The following MYH10 variants were observed in gnomAD, a reference collection of about 807,000 sequenced individuals.
MYH10 encodes myosin-10.
A neutral mutation model predicts 257.8 loss-of-function variants in MYH10; 55 were observed. The ratio of observed to expected loss-of-function variants is 0.21; its 90% CI spans 0.17 to 0.27. The LOEUF is 0.27. MYH10 is among the 10% of genes least tolerant of loss of function. The pLI is 1.00. For missense variants in MYH10, 1,631 were observed against 2,500.6 expected (o/e 0.65, Z 7.42); for synonymous variants, 854 against 921.7 (o/e 0.93, Z 1.33).
At chr17:8,486,401 A>G (rs1272125583) in intron 36 of MYH10, among the ~76,000 whole-genome samples, 3 of 152,186 alleles carry the variant, frequency 2.0e-5, no homozygotes, top group African/African-American at 7.2e-5. Flanking sequence ...AATTAGCTTA[A>G]TAACTTTTAT....
chr17:8,571,213 C>A (rs1348426935), intron 6 of MYH10, among the ~76,000 whole-genome samples: 1 of 138,530 alleles, frequency 7.2e-6, no homozygotes, highest in Non-Finnish European at 1.5e-5. Flanking sequence ...CTCACTCTGT[C>A]GCCCAGGCTG....
intron 3 of MYH10, among the ~76,000 whole-genome samples, chr17:8,598,842 G>A (rs1219642093): frequency 6.6e-6 from 1 of 151,964 alleles, no homozygotes; most frequent in East Asian, 1.9e-4. Context: ...GAGTAGCTAG[G>A]ACTATAGAAG....
In MYH10 at chr17:8,542,157, T is replaced by C. The variant is rs755583665; in HGVS notation, c.1555A>G (p.Ile519Val). Residue 519 changes from isoleucine (I) to valine (V), a missense_variant, in exon 14 of 43, where the codon ATC becomes GTC. Physicochemically the swap from Ile to Val is conservative, Grantham distance 29. Transcript: ENST00000360416. ...YQREGIEWNF[I>V]DFGLDLQPCI... ...GGCTGCAGATCCAGCCCGAAATCGA[T>C]GAAGTTCCACTCGATGCCTTCGCGC... The C allele has an allele frequency of 6.2e-7, 1 of 1,614,158 alleles. No individual in the cohort carries two copies. The highest frequency in any genetic ancestry group is 8.5e-7 in the Non-Finnish European group (1 of 1,180,022).
chr17:8,558,923 T>C (rs925326452), intron 7 of MYH10, among the ~76,000 whole-genome samples: 9 of 152,218 alleles, frequency 5.9e-5, no homozygotes, highest in Non-Finnish European at 1.2e-4. Context: ...CTTATGAAAC[T>C]TATCCAGGTA....
chr17:8,501,080 A>AAT (rs1917439813), intron 28 of MYH10, 110 bp from the exon 29 acceptor site: 1 of 1,162,872 alleles, frequency 8.6e-7, no homozygotes, highest in Admixed American at 2.3e-5. Flanking sequence ...AAATTCCCTT[A>AAT]ATAAATACTT....
rs1435506193 is a variant in MYH10, at chr17:8,609,385, T to C, written c.346-4403A>G. 2.0e-5 allele frequency among the ~76,000 whole-genome samples: 3 copies of C among 151,728 alleles called. No individual in the cohort carries two copies. In the East Asian group the frequency reaches 5.8e-4, roughly 29 times the overall value. On this transcript the variant is annotated intron_variant, in intron 2 of 42. Transcript: ENST00000360416. ...GAGGAAGGAAAGAATAATTCACCCA[T>C]ACCACCTGCAAACACTGCACCTAGT... is the stretch of plus-strand genomic sequence containing the variant.
chr17:8,532,318 A>T (rs1035321056), intron 16 of MYH10, among the ~76,000 whole-genome samples: 4 of 152,224 alleles, frequency 2.6e-5, no homozygotes, highest in Non-Finnish European at 4.4e-5. Flanking sequence ...GGCTGTGCAA[A>T]CATGGCATCT....
Position 8,520,869 on chromosome 17 carries a change from T to C in MYH10, c.2273+9A>G. 1 of 1,589,742 alleles carries C rather than the reference T, an allele frequency of 6.3e-7. No homozygotes were observed. The highest frequency in any genetic ancestry group is 2.2e-5 in the East Asian group (1 of 44,694). Reference sequence around the variant, plus strand: ...ATACATAAGCAAAAAAAGTAAAAGTTAGCAATACCTCTGTCTGAATTCCTG... The same window carrying C: ...ATACATAAGCAAAAAAAGTAAAAGTCAGCAATACCTCTGTCTGAATTCCTG... On this transcript the variant is annotated intron_variant, in intron 19 of 42. Transcript: ENST00000360416.
At chr17:8,594,213 G>T (rs1188479399) in intron 3 of MYH10, among the ~76,000 whole-genome samples, 2 of 152,058 alleles carry the variant, frequency 1.3e-5, no homozygotes, top group African/African-American at 2.4e-5. Flanking sequence ...TCCAATAAAA[G>T]ACTTATATCT....
Position 8,509,869 on chromosome 17 carries a change from G to T in MYH10, c.3033C>A (p.Ile1011=), listed in dbSNP as rs1293654640. ...GCAGAATCTCCTCTTCCATCTTCTTGATCTTGGCCTCTGCTGTCACCTTTT... is the reference window on the plus strand; with the variant it reads ...GCAGAATCTCCTCTTCCATCTTCTTTATCTTGGCCTCTGCTGTCACCTTTT... ...QLEKVTAEAK[I]KKMEEEILLL... The change falls in exon 25 of 43, where the codon ATC becomes ATA. Residue 1011 remains isoleucine (I), a synonymous_variant. Transcript: ENST00000360416. The T allele has an allele frequency of 1.2e-6, 2 of 1,612,866 alleles. No homozygotes were observed. The highest frequency in any genetic ancestry group is 1.7e-6 in the Non-Finnish European group (2 of 1,179,526).
chr17:8,546,207 T>C (rs924032241), intron 12 of MYH10, among the ~76,000 whole-genome samples: 1 of 151,900 alleles, frequency 6.6e-6, no homozygotes, highest in Admixed American at 6.6e-5. Context: ...TACAGGCGCA[T>C]GCCATCACGC....
chr17:8,624,696 C>T (rs536155829), intron 1 of MYH10, among the ~76,000 whole-genome samples: 3 of 152,244 alleles, frequency 2.0e-5, no homozygotes, highest in Admixed American at 6.5e-5. Context: ...TGTGCTATAA[C>T]GTTCTCTAGA....
chr17:8,573,417 GT>G (rs1296708395), intron 6 of MYH10, among the ~76,000 whole-genome samples: 1 of 152,184 alleles, frequency 6.6e-6, no homozygotes, highest in Non-Finnish European at 1.5e-5. Context: ...GTTCAGCACA[GT>G]TTAAACCAGG....
At chr17:8,489,048 C>T (rs1915333259) in intron 35 of MYH10, among the ~76,000 whole-genome samples, 1 of 152,024 alleles carries the variant, frequency 6.6e-6, no homozygotes, top group Admixed American at 6.6e-5. Context: ...TCATAAAAGG[C>T]CCGGAAGCTT....
At chr17:8,495,381 A>G (rs987825927) in intron 30 of MYH10, 140 bp from the exon 31 acceptor site, 37 of 620,336 alleles carry the variant, frequency 6.0e-5, no homozygotes, top group Non-Finnish European at 9.7e-5. Context: ...AGGAAGACTC[A>G]CCACCAAGAG....
rs1203904426 is a variant in MYH10 at position 8,545,894 on chromosome 17, ACTT to A, written c.1279-297_1279-295del. Among the ~76,000 whole-genome samples the A allele has an allele frequency of 2.0e-5, 3 of 152,114 alleles. No individual in the cohort carries two copies. The highest frequency in any genetic ancestry group is 4.4e-5 in the Non-Finnish European group (3 of 68,024). The stretch of plus-strand genomic sequence containing the variant: ...CTGGATTCAGCTCAGTTAAGCTGGT[ACTT>A]TCTCTCTGCTGTACCACCCAGCACA... On this transcript the variant is annotated intron_variant, in intron 12 of 42. Coordinates refer to ENST00000360416, the MANE Select transcript of MYH10 (RefSeq NM_001256012.3). This position sits in a 1 kb window ranked among gnomAD's most constrained non-coding sequence, Gnocchi z 4.7.
chr17:8,530,392 C>A (rs1483839712), intron 17 of MYH10, among the ~76,000 whole-genome samples: 1 of 152,100 alleles, frequency 6.6e-6, no homozygotes, highest in Non-Finnish European at 1.5e-5. Context: ...TAGGCAGTAG[C>A]AATTAAATTG....
At chr17:8,571,434 C>T (rs2152005378) in intron 6 of MYH10, among the ~76,000 whole-genome samples, 1 of 151,866 alleles carries the variant, frequency 6.6e-6, no homozygotes, top group Middle Eastern at 3.4e-3. Flanking sequence ...TGCTGCCAAA[C>T]TGTCTTAAGC....
chr17:8,568,162 C>T (rs941338946), intron 7 of MYH10, among the ~76,000 whole-genome samples: 9 of 152,176 alleles, frequency 5.9e-5, no homozygotes, highest in Admixed American at 3.9e-4. Context: ...TCTCGTCTCT[C>T]GTGGGTGGCT....
Sources: allele counts gnomAD v4.1 joint callset (sites outside exome capture counted in the v4.1 genomes callset), GRCh38; gene constraint gnomAD v4.1.1; non-coding constraint Gnocchi (gnomAD v3.1); transcripts MANE v1.5; gene names NCBI Gene and HGNC (gene_info 2026-07-23, HGNC 2026-07-21).